The following COL24A1 variants were observed in gnomAD, a reference collection of about 807,000 sequenced individuals.
COL24A1 encodes collagen alpha-1(XXIV) chain.
In COL24A1, 224 loss-of-function variants were observed where a neutral mutation model predicts 253.9. The observed-to-expected ratio is 0.88, with a 90% CI of 0.79 to 0.99. The LOEUF (loss-of-function observed/expected upper bound fraction) is 0.99, where lower values mean the gene tolerates loss of function less well. Ranked by LOEUF, COL24A1 falls within the 50% of genes least tolerant of loss-of-function variation. The pLI is 0.00. For synonymous variants in COL24A1, 685 were observed against 673.7 expected, an observed-to-expected ratio of 1.02 and a Z score of -0.26; for missense variants, 2,131 against 2,068.5, an observed-to-expected ratio of 1.03 and a Z score of -0.59.
intron 24 of COL24A1, among the ~76,000 whole-genome samples, chr1:85,955,076 T>C (rs953806266): frequency 5.9e-5 from 9 of 152,170 alleles, no homozygotes; most frequent in African/African-American, 2.2e-4. Context: ...ATGCTCCCCA[T>C]CCTGTGCCGC....
intron 53 of COL24A1, among the ~76,000 whole-genome samples, chr1:85,769,038 T>C (rs536551453): frequency 2.3e-4 from 35 of 152,166 alleles, no homozygotes; most frequent in African/African-American, 8.4e-4. Flanking sequence ...TCTTTTAAAT[T>C]TTATCCTCTA....
At chr1:86,106,678 T>C (rs1248169831) in intron 5 of COL24A1, among the ~76,000 whole-genome samples, 2 of 152,126 alleles carry the variant, frequency 1.3e-5, no homozygotes, top group African/African-American at 2.4e-5. Context: ...ATAAATATGA[T>C]AAATAATAGA....
Position 85,729,694 on chromosome 1 carries a change from C to T in COL24A1, c.*852G>A, listed in dbSNP as rs1006053589. 1 of 152,564 alleles carries T rather than the reference C, an allele frequency of 6.6e-6. No homozygotes were observed. Among genetic ancestry groups the T allele is most frequent in the Admixed American group, 6.5e-5 (1 of 15,280 alleles). The allele number at this position is 152,564 out of a possible 1,614,324, so 9.5% of individuals were successfully genotyped here. On this transcript the variant is annotated 3_prime_UTR_variant, in exon 60 of 60. Transcript: ENST00000370571. ...ATGGCACAACCCCCAATCTGTACCC[C>T]AAACCTACTACTAGATGTAGCTGGC...
chr1:86,063,357 C>CTGTGTGTG (rs201355392), intron 8 of COL24A1, among the ~76,000 whole-genome samples: 7 of 139,042 alleles, frequency 5.0e-5, no homozygotes, highest in South Asian at 2.2e-4. Flanking sequence ...AAGTCTCTCT[C>CTGTGTGTG]TCTGTGTGTG....
chr1:85,950,485 G>A (rs915514034), intron 24 of COL24A1, among the ~76,000 whole-genome samples: 15 of 152,292 alleles, frequency 9.8e-5, no homozygotes, highest in Admixed American at 7.2e-4. Context: ...GGGGTGAATT[G>A]AATTTTAGAA....
chr1:86,115,355 G>T lies in COL24A1; in HGVS notation c.1515C>A (p.Ile505=). 1 of 1,613,850 alleles carries T rather than the reference G, an allele frequency of 6.2e-7. No individual in the cohort carries two copies. The change falls in exon 4 of 60, where the codon ATC becomes ATA. Residue 505 remains isoleucine (I), a synonymous_variant. Transcript: ENST00000370571. The part of the protein sequence containing the change: ...GPPGPPGPAG[I]PGPSGKRGPR... ...GACCTCTCTTCCCTGACGGACCTGG[G>T]ATACCTGCTGGACCAGGTGGACCCT...
At chr1:85,831,580 A>G (rs370386664) in intron 43 of COL24A1, among the ~76,000 whole-genome samples, 4 of 152,144 alleles carry the variant, frequency 2.6e-5, no homozygotes, top group African/African-American at 7.2e-5. Context: ...AAATGTTATT[A>G]CAAAATTATT....
At chr1:85,820,201 T>C (rs1442154832) in intron 45 of COL24A1, among the ~76,000 whole-genome samples, 1 of 152,000 alleles carries the variant, frequency 6.6e-6, no homozygotes, top group Non-Finnish European at 1.5e-5. Context: ...CCAGATAAGT[T>C]TGGGGATCTG....
chr1:86,079,626 G>A (rs1415366202), intron 7 of COL24A1, among the ~76,000 whole-genome samples: 2 of 152,008 alleles, frequency 1.3e-5, no homozygotes, highest in Admixed American at 6.6e-5. Context: ...TTAAAAATGG[G>A]CGAAAGATTT....
intron 41 of COL24A1, among the ~76,000 whole-genome samples, chr1:85,841,784 C>G (rs191969171): frequency 6.6e-6 from 1 of 152,134 alleles, no homozygotes; most frequent in Admixed American, 6.5e-5. Flanking sequence ...TAATCTAGAG[C>G]CTTACAATTT....
chr1:86,063,673 CT>C (rs2101785015), intron 8 of COL24A1, 41 bp downstream of exon 8: 2 of 1,405,200 alleles, frequency 1.4e-6, no homozygotes, highest in Non-Finnish European at 9.6e-7. Context: ...TAACATGTGT[CT>C]TTTTCACACA....
At chr1:86,138,221 C>A (rs79295259) in intron 2 of COL24A1, among the ~76,000 whole-genome samples, 10,375 of 152,160 alleles carry the variant, frequency 0.068, 460 homozygotes, top group East Asian at 0.14. Context: ...GTATTCTTAA[C>A]TGTGAATACA....
At position 86,011,611 on chromosome 1, in the gene COL24A1, T is replaced by C. The variant is rs1217909102; in HGVS notation, c.2310+5540A>G. Among the ~76,000 whole-genome samples, 7 of 152,352 alleles carry C rather than the reference T, an allele frequency of 4.6e-5. No homozygotes were observed. The East Asian group carries it at 1.3e-3, about 29-fold the overall frequency. On this transcript the variant is annotated intron_variant, in intron 19 of 59. Transcript: ENST00000370571. ...TGTTCCAGCTCCTGTGCAAATTAAA[T>C]GTCAATGGAAAAAATCCATAGCAAA...
At chr1:85,922,337 G>C (rs1325710543) in intron 24 of COL24A1, among the ~76,000 whole-genome samples, 2 of 152,128 alleles carry the variant, frequency 1.3e-5, no homozygotes, top group Non-Finnish European at 2.9e-5. Flanking sequence ...GATACTCCTT[G>C]AGAAGAGCAA....
At position 86,031,876 on chromosome 1, in the gene COL24A1, A is replaced by C; in HGVS notation, c.2049+2T>G. The C allele has an allele frequency of 6.2e-7, 1 of 1,601,698 alleles. No homozygotes were observed. Among genetic ancestry groups the C allele is most frequent in the African/African-American group, 1.3e-5 (1 of 74,478 alleles). ...AGAATGATGATATTTAGTGATACTC[A>C]CTCTAAGCCCAGGAAACCCCGGAGG... On this transcript the variant is annotated splice_donor_variant, in intron 14 of 59. Coordinates refer to ENST00000370571, the MANE Select transcript of COL24A1 (RefSeq NM_152890.7). LOFTEE classifies it high-confidence loss of function.
intron 39 of COL24A1, among the ~76,000 whole-genome samples, chr1:85,847,068 CTT>C (rs1440145537): frequency 6.6e-6 from 1 of 152,144 alleles, no homozygotes; most frequent in African/African-American, 2.4e-5. Flanking sequence ...TTTTGCATCT[CTT>C]TCATGCTGAC....
chr1:86,057,775 T>C (rs754469449), intron 10 of COL24A1, among the ~76,000 whole-genome samples, 156 bp downstream of exon 10: 36 of 152,232 alleles, frequency 2.4e-4, no homozygotes, highest in Admixed American at 4.6e-4. Context: ...TCTGTCATCA[T>C]AGAAGTGAAA....
chr1:85,958,370 TA>T (rs1384172891), intron 24 of COL24A1, among the ~76,000 whole-genome samples: 12 of 152,106 alleles, frequency 7.9e-5, no homozygotes, highest in Admixed American at 5.9e-4. Flanking sequence ...TCCCTTGTAC[TA>T]TTTTTTATAG....
At chr1:86,128,101 T>G (rs1191430409) in intron 2 of COL24A1, among the ~76,000 whole-genome samples, 1 of 152,038 alleles carries the variant, frequency 6.6e-6, no homozygotes, top group Non-Finnish European at 1.5e-5. Flanking sequence ...GGGACATATT[T>G]CAAAGAGGCC....
Sources: gnomAD v4.1 joint callset for allele counts (sites outside exome capture counted in the v4.1 genomes callset) on GRCh38, gnomAD v4.1.1 for gene constraint, MANE v1.5 for transcripts, NCBI Gene and HGNC (gene_info 2026-07-23, HGNC 2026-07-21) for gene names.